KLHDC1: variants seen among roughly 807,000 people sequenced by gnomAD.
The protein encoded by KLHDC1 is kelch domain containing 1.
KLHDC1 carries 53 observed loss-of-function variants against 68.3 expected under a neutral mutation model. The ratio of observed to expected loss-of-function variants is 0.78; its 90% CI spans 0.62 to 0.98. KLHDC1 has a LOEUF of 0.98. Among genes scored for constraint, KLHDC1 ranks in the 50% least tolerant of loss-of-function variants. KLHDC1 has a pLI of 0.00. For synonymous variants in KLHDC1, 148 were observed against 159.0 expected (o/e 0.93, Z 0.52); for missense variants, 470 against 492.3 (o/e 0.95, Z 0.43).
chr14:49,718,428 AC>A (rs1223728818), intron 4 of KLHDC1, among the ~76,000 whole-genome samples: 1 of 151,642 alleles, frequency 6.6e-6, no homozygotes, highest in African/African-American at 2.4e-5. Context: ...CTACAGGTGC[AC>A]ACCACCAGGC....
At chr14:49,722,584 C>T (rs898581672) in intron 4 of KLHDC1, among the ~76,000 whole-genome samples, 5 of 152,188 alleles carry the variant, frequency 3.3e-5, no homozygotes, top group African/African-American at 1.2e-4. Context: ...TGGGGCCAGG[C>T]GCCATGGCTC....
rs188115280 is a variant in KLHDC1 at position 49,706,906 on chromosome 14, G to A, written c.97-2253G>A. On this transcript the variant is annotated intron_variant, in intron 1 of 12. Coordinates refer to ENST00000359332, the MANE Select transcript of KLHDC1 (RefSeq NM_172193.3). ...TAATCCCTTGTCACATGGGGAGTTT[G>A]CAAATATTTTCTCCCATTCTGTAGG... Among the ~76,000 whole-genome samples the A allele has an allele frequency of 3.5e-5, 5 of 144,488 alleles. No individual in the cohort carries two copies. In the East Asian group the frequency reaches 1.2e-3, roughly 34 times the overall value. The allele number at this position is 144,488 out of a possible 152,430, so 94.8% of individuals were successfully genotyped here. A position where few individuals can be genotyped will look rare whatever the true frequency, so the allele number is the denominator to read the frequency against.
chr14:49,748,843 A>G (rs942246377), intron 12 of KLHDC1, among the ~76,000 whole-genome samples: 19 of 150,914 alleles, frequency 1.3e-4, no homozygotes, highest in African/African-American at 3.9e-4. Flanking sequence ...CTCTGTCACC[A>G]AGGCTGGAGT....
chr14:49,701,964 T>C (rs1367679497), intron 1 of KLHDC1, among the ~76,000 whole-genome samples: 1 of 151,214 alleles, frequency 6.6e-6, no homozygotes, highest in Non-Finnish European at 1.5e-5. Context: ...AGGTCAGGAG[T>C]GGGAGACCAG....
At chr14:49,710,061 G>A (rs1888158534) in intron 3 of KLHDC1, among the ~76,000 whole-genome samples, 1 of 152,066 alleles carries the variant, frequency 6.6e-6, no homozygotes. Context: ...AGAGCAGGAT[G>A]TGACTCATTT....
intron 1 of KLHDC1, among the ~76,000 whole-genome samples, chr14:49,694,660 C>G (rs183552776): frequency 2.0e-5 from 3 of 152,182 alleles, no homozygotes; most frequent in African/African-American, 7.2e-5. Context: ...CCGAGACCAG[C>G]CTGGCCAACA....
chr14:49,694,926 G>A (rs1887690545), intron 1 of KLHDC1, among the ~76,000 whole-genome samples: 2 of 152,206 alleles, frequency 1.3e-5, no homozygotes, highest in African/African-American at 2.4e-5. Flanking sequence ...GATTATCTGA[G>A]CCTTCAGCGA....
intron 4 of KLHDC1, among the ~76,000 whole-genome samples, chr14:49,712,865 C>T (rs993585755): frequency 4.6e-5 from 7 of 151,732 alleles, no homozygotes; most frequent in South Asian, 2.1e-4. Flanking sequence ...GCCTTGAACT[C>T]CTGACCTCAG....
intron 1 of KLHDC1, among the ~76,000 whole-genome samples, chr14:49,695,786 C>T (rs189789063): frequency 2.6e-5 from 4 of 152,134 alleles, no homozygotes; most frequent in African/African-American, 4.8e-5. Context: ...TATTGTTGGC[C>T]GGGCACGTTG....
intron 1 of KLHDC1, among the ~76,000 whole-genome samples, chr14:49,701,891 G>A (rs533281489): frequency 5.6e-4 from 85 of 151,678 alleles, no homozygotes; most frequent in East Asian, 2.7e-3. Flanking sequence ...AAAATTAGCC[G>A]GGCGTGGTGG....
At position 49,751,708 on chromosome 14, in the gene KLHDC1, G is replaced by A. The variant is rs145332362; in HGVS notation, c.1157G>A (p.Arg386Gln). The A allele has an allele frequency of 7.3e-5, 117 of 1,604,082 alleles. No individual in the cohort carries two copies. The highest frequency in any genetic ancestry group is 9.0e-5 in the Non-Finnish European group (106 of 1,174,390). Reference sequence around the variant, plus strand: ...ACATTTTGGGCTGCAGCTAATCACCGAGAAGAACAAAGAGTCCAAAAAGAA... The same window carrying A: ...ACATTTTGGGCTGCAGCTAATCACCAAGAAGAACAAAGAGTCCAAAAAGAA... ...KITFWAAANH[R>Q]EEQRVQKEET... is the part of the protein sequence containing the mutation. The change falls in exon 13 of 13, where the codon CGA becomes CAA. Residue 386 changes from arginine to glutamine, a missense_variant. Transcript: ENST00000359332.
chr14:49,720,255 G>C (rs1447583433), intron 4 of KLHDC1, among the ~76,000 whole-genome samples: 1 of 152,126 alleles, frequency 6.6e-6, no homozygotes, highest in Non-Finnish European at 1.5e-5. Flanking sequence ...CAAAGTGCTG[G>C]GATTACAGGC....
chr14:49,743,029 A>C (rs1467634945), intron 11 of KLHDC1, among the ~76,000 whole-genome samples: 5 of 133,312 alleles, frequency 3.8e-5, no homozygotes, highest in Non-Finnish European at 6.2e-5. Flanking sequence ...CTCTGATTGC[A>C]CCACTGCACT....
At chr14:49,696,884 T>A (rs1887759192) in intron 1 of KLHDC1, among the ~76,000 whole-genome samples, 1 of 152,144 alleles carries the variant, frequency 6.6e-6, no homozygotes, top group Non-Finnish European at 1.5e-5. Flanking sequence ...CAGTCCACTC[T>A]TCCTTCACTT....
At chr14:49,743,729 T>C in intron 11 of KLHDC1, 24 bp from the exon 12 acceptor site, 1 of 1,475,426 alleles carries the variant, frequency 6.8e-7, no homozygotes, top group Non-Finnish European at 9.3e-7. Context: ...AAAAACTTAA[T>C]AATGCCTTTT....
At chr14:49,718,769 CTTTT>C (rs71115397) in intron 4 of KLHDC1, among the ~76,000 whole-genome samples, 1 of 76,846 alleles carries the variant, frequency 1.3e-5, no homozygotes, top group Admixed American at 1.8e-4. Context: ...TTCTTTCTTT[CTTTT>C]TTTTTTTTTT....
Position 49,711,910 on chromosome 14 carries a change from C to CTT in KLHDC1, c.404+1555_404+1556dup, listed in dbSNP as rs992092493. On this transcript the variant is annotated intron_variant, in intron 4 of 12. Coordinates refer to ENST00000359332, the MANE Select transcript of KLHDC1 (RefSeq NM_172193.3). ...TTATATGTCTTTCTTTTTTCTTTTT[C>CTT]TTTTTTTTTTTTTTTTTTTTTTTTT... is the stretch of plus-strand genomic sequence containing the variant. 5.7e-4 allele frequency among the ~76,000 whole-genome samples: 44 copies of CTT among 76,604 alleles called. 2 individuals are homozygous for CTT. Among genetic ancestry groups the CTT allele is most frequent in the African/African-American group, 9.0e-4 (18 of 20,062 alleles). 50.3% of individuals were successfully genotyped at this position (76,604 alleles called of 152,430 possible). A position where few individuals can be genotyped will look rare whatever the true frequency, so the allele number is the denominator to read the frequency against.
chr14:49,746,240 T>C (rs1022181969), intron 12 of KLHDC1, among the ~76,000 whole-genome samples: 1 of 152,216 alleles, frequency 6.6e-6, no homozygotes, highest in African/African-American at 2.4e-5. Flanking sequence ...GGAACTGTAG[T>C]GGAGCTATCC....
In KLHDC1 at chr14:49,751,725, C is replaced by CA; in HGVS notation, c.1179dup (p.Glu394ArgfsTer6). On this transcript the variant is annotated frameshift_variant, in exon 13 of 13. Coordinates refer to ENST00000359332, the MANE Select transcript of KLHDC1 (RefSeq NM_172193.3). LOFTEE classifies it high-confidence loss of function. ...TAATCACCGAGAAGAACAAAGAGTCCAAAAAGAAGAAACAGAAAATAAATA... is the reference window on the plus strand; with the variant it reads ...TAATCACCGAGAAGAACAAAGAGTCCAAAAAAGAAGAAACAGAAAATAAATA... 2 of 1,593,586 alleles carry CA rather than the reference C, an allele frequency of 1.3e-6. No homozygotes were observed. Among genetic ancestry groups the CA allele is most frequent in the East Asian group, 2.3e-5 (1 of 44,060 alleles).
Sources: allele counts gnomAD v4.1 joint callset (sites outside exome capture counted in the v4.1 genomes callset), GRCh38; gene constraint gnomAD v4.1.1; transcripts MANE v1.5; gene names NCBI Gene and HGNC (gene_info 2026-07-23, HGNC 2026-07-21).